The following PPP2R5E variants were observed in gnomAD, a reference collection of about 807,000 sequenced individuals.
The protein encoded by PPP2R5E is protein phosphatase 2 regulatory subunit B'epsilon.
Under a neutral mutation model 65.3 loss-of-function variants are expected in PPP2R5E, and 4 were observed. The observed-to-expected ratio is 0.06, with a 90% CI of 0.03 to 0.14. PPP2R5E has a LOEUF of 0.14. PPP2R5E is among the 10% of genes least tolerant of loss of function. PPP2R5E has a pLI of 1.00. For missense variants in PPP2R5E, 274 were observed against 556.1 expected (o/e 0.49, Z 5.10); for synonymous variants, 183 against 187.4 (o/e 0.98, Z 0.19).
At chr14:63,462,887 G>T (rs1396337103) in intron 2 of PPP2R5E, among the ~76,000 whole-genome samples, 1 of 151,952 alleles carries the variant, frequency 6.6e-6, no homozygotes, top group Non-Finnish European at 1.5e-5. Flanking sequence ...CAGATCACCT[G>T]AGGTCGGGAG....
At chr14:63,434,782 A>G (rs1184959137) in intron 3 of PPP2R5E, among the ~76,000 whole-genome samples, 1 of 152,076 alleles carries the variant, frequency 6.6e-6, no homozygotes, top group Non-Finnish European at 1.5e-5. Flanking sequence ...AACCCTTTGG[A>G]GTTTTTGTTA....
chr14:63,397,377 C>T (rs1264646449), intron 5 of PPP2R5E, among the ~76,000 whole-genome samples: 1 of 151,928 alleles, frequency 6.6e-6, no homozygotes, highest in Non-Finnish European at 1.5e-5. Context: ...TGGCGGGCAC[C>T]TGTAATCCCA....
chr14:63,534,393 T>C (rs1893576899), intron 2 of PPP2R5E, among the ~76,000 whole-genome samples: 1 of 151,848 alleles, frequency 6.6e-6, no homozygotes, highest in Admixed American at 6.6e-5. Context: ...GCCTCCTGAG[T>C]AGCTGGGATT....
chr14:63,483,307 A>T (rs1890803949), intron 2 of PPP2R5E, among the ~76,000 whole-genome samples: 1 of 152,206 alleles, frequency 6.6e-6, no homozygotes. Flanking sequence ...TATTTGCCTA[A>T]TTATGACATC....
At chr14:63,435,145 T>C (rs1887890668) in intron 3 of PPP2R5E, among the ~76,000 whole-genome samples, 1 of 152,104 alleles carries the variant, frequency 6.6e-6, no homozygotes, top group Non-Finnish European at 1.5e-5. Flanking sequence ...CAGATCTCAT[T>C]TGGGGTGATG....
intron 2 of PPP2R5E, 110 bp from the exon 3 acceptor site, chr14:63,453,995 G>C: frequency 1.2e-6 from 1 of 837,348 alleles, no homozygotes; most frequent in South Asian, 2.5e-5. Context: ...GAATTCACAT[G>C]ACAACAGTGT....
chr14:63,472,441 T>C (rs2139562490), intron 2 of PPP2R5E, among the ~76,000 whole-genome samples: 1 of 152,376 alleles, frequency 6.6e-6, no homozygotes, highest in African/African-American at 2.4e-5. Context: ...TTGGATTTAA[T>C]TTACTGTTCA....
At chr14:63,493,636 C>T (rs17178739) in intron 2 of PPP2R5E, among the ~76,000 whole-genome samples, 2,923 of 143,712 alleles carry the variant, frequency 0.02, 57 homozygotes, top group Admixed American at 0.043. Context: ...ACAAACTGTA[C>T]TCAAGCTGTT....
intron 5 of PPP2R5E, among the ~76,000 whole-genome samples, chr14:63,413,399 C>G (rs1453128946): frequency 6.6e-6 from 1 of 152,192 alleles, no homozygotes; most frequent in African/African-American, 2.4e-5. Flanking sequence ...GATGTGAGGG[C>G]TACTTCTCCC....
At chr14:63,466,188 T>C (rs1160454904) in intron 2 of PPP2R5E, among the ~76,000 whole-genome samples, 1 of 151,982 alleles carries the variant, frequency 6.6e-6, no homozygotes, top group Non-Finnish European at 1.5e-5. Flanking sequence ...CTGCAGCTAT[T>C]TTAACAGCCC....
intron 3 of PPP2R5E, among the ~76,000 whole-genome samples, chr14:63,429,256 A>C (rs1246827548): frequency 6.6e-6 from 1 of 152,202 alleles, no homozygotes; most frequent in Non-Finnish European, 1.5e-5. Flanking sequence ...GACCTCAAAG[A>C]TATTTTCCCC....
chr14:63,398,564 G>A (rs373009976), intron 5 of PPP2R5E, among the ~76,000 whole-genome samples: 7 of 152,228 alleles, frequency 4.6e-5, no homozygotes, highest in African/African-American at 1.7e-4. Context: ...AGGCCGAGGG[G>A]GTAGATCACG....
chr14:63,389,728 T>A lies in PPP2R5E; in HGVS notation c.958A>T (p.Met320Leu). The change falls in exon 11 of 14, where the codon ATG becomes TTG. Residue 320 changes from methionine (M) to leucine (L), a missense_variant. This residue lies in a region of PPP2R5E where 129 missense variants were observed against 254.9 expected (regional missense o/e 0.51). Coordinates refer to ENST00000337537, the MANE Select transcript of PPP2R5E (RefSeq NM_006246.5). Reference sequence around the variant, plus strand: ...ATTTCTTCCAGTTCCCCAAGGAACATGACCTGTAAGTACAAGCAAAATACA... The same window carrying A: ...ATTTCTTCCAGTTCCCCAAGGAACAAGACCTGTAAGTACAAGCAAAATACA... ...WPKTCSQKEV[M>L]FLGELEEILD... 2.5e-6 allele frequency: 4 copies of A among 1,604,498 alleles called. No individual in the cohort carries two copies. The highest frequency in any genetic ancestry group is 3.4e-6 in the Non-Finnish European group (4 of 1,176,276).
At chr14:63,482,418 C>A (rs1418206693) in intron 2 of PPP2R5E, among the ~76,000 whole-genome samples, 1 of 152,160 alleles carries the variant, frequency 6.6e-6, no homozygotes, top group East Asian at 1.9e-4. Context: ...AAGATCGCAC[C>A]ACTGCATTCC....
At chr14:63,402,856 CA>C (rs935868990) in intron 5 of PPP2R5E, among the ~76,000 whole-genome samples, 3 of 150,452 alleles carry the variant, frequency 2.0e-5, no homozygotes, top group African/African-American at 4.9e-5. Flanking sequence ...CAATTTCCAA[CA>C]AAAAAAAAGT....
At chr14:63,508,282 G>A in intron 2 of PPP2R5E, 1 of 882,298 alleles carries the variant, frequency 1.1e-6, no homozygotes, top group Non-Finnish European at 1.4e-6. Flanking sequence ...CCAATGCTAT[G>A]GCAACCCCCT....
intron 11 of PPP2R5E, 81 bp from the exon 12 acceptor site, chr14:63,384,652 G>C: frequency 1.6e-6 from 2 of 1,231,548 alleles, no homozygotes; most frequent in African/African-American, 1.5e-5. Context: ...CCAAACAAAA[G>C]TATTTCAAAA....
At chr14:63,402,055 T>C (rs535519346) in intron 5 of PPP2R5E, among the ~76,000 whole-genome samples, 1 of 151,962 alleles carries the variant, frequency 6.6e-6, no homozygotes, top group South Asian at 2.1e-4. Flanking sequence ...GTATCTAATC[T>C]TGGAGACATC....
intron 2 of PPP2R5E, among the ~76,000 whole-genome samples, chr14:63,535,248 C>T (rs1013016647): frequency 4.0e-5 from 6 of 151,872 alleles, no homozygotes; most frequent in African/African-American, 2.4e-5. Flanking sequence ...GGTCTCAACA[C>T]GTCTCTACTA....
Sources: allele counts gnomAD v4.1 joint callset (sites outside exome capture counted in the v4.1 genomes callset), GRCh38; gene constraint gnomAD v4.1.1; regional missense constraint gnomAD v4.1.1; transcripts MANE v1.5; gene names NCBI Gene and HGNC (gene_info 2026-07-23, HGNC 2026-07-21).